The following TPCN1 variants were observed in gnomAD, a reference collection of about 807,000 sequenced individuals.
The protein encoded by TPCN1 is two pore channel protein 1.
A neutral mutation model predicts 108.8 loss-of-function variants in TPCN1; 52 were observed. That is an observed-to-expected ratio of 0.48 (90% CI 0.38 to 0.60). TPCN1 has a LOEUF of 0.60. Ranked by LOEUF, TPCN1 falls within the 20% of genes least tolerant of loss-of-function variation. The probability of loss-of-function intolerance (pLI) is 0.00; values close to 1 mark genes in which losing one functional copy is unlikely to be tolerated. For missense variants in TPCN1, 806 were observed against 1,072.8 expected, an observed-to-expected ratio of 0.75 and a Z score of 3.47; for synonymous variants, 446 against 433.7, an observed-to-expected ratio of 1.03 and a Z score of -0.35.
intron 2 of TPCN1, among the ~76,000 whole-genome samples, chr12:113,251,044 T>C (rs1237955958): frequency 6.6e-6 from 1 of 152,008 alleles, no homozygotes; most frequent in African/African-American, 2.4e-5. Context: ...GGCTCACACC[T>C]GTAATCCTAG....
intron 2 of TPCN1, among the ~76,000 whole-genome samples, chr12:113,244,008 A>G (rs1566147847): frequency 6.6e-6 from 1 of 151,840 alleles, no homozygotes; most frequent in Non-Finnish European, 1.5e-5. Flanking sequence ...CTGCCTTTCC[A>G]TGTCTTTCAC....
rs1036582072 is a variant in TPCN1 at position 113,284,368 on chromosome 12, A to G, written c.1343-213A>G. ...ACAGAGGGAGTGTTTTTAGAAATTT[A>G]TAGCTGTTTCTAGGTGAAAACACTG... On this transcript the variant is annotated intron_variant, in intron 15 of 27. Coordinates refer to ENST00000335509, the MANE Select transcript of TPCN1 (RefSeq NM_017901.6). This position sits in a 1 kb window ranked among gnomAD's most constrained non-coding sequence, Gnocchi z 4.1. 2.0e-5 allele frequency among the ~76,000 whole-genome samples: 3 copies of G among 152,240 alleles called. No individual in the cohort carries two copies. The highest frequency in any genetic ancestry group is 3.8e-4 in the East Asian group (2 of 5,208).
rs768147517 is a variant in TPCN1, at chr12:113,260,401, C to A, written c.146C>A (p.Ala49Asp). The stretch of plus-strand genomic sequence containing the variant: ...AGCTATGCCATCCACGACTCCCAGG[C>A]CCCCAGTCTCAGCTCTGGGGGTGAG... ...GGSYAIHDSQ[A>D]PSLSSGGESS... Residue 49 changes from alanine to aspartate, a missense_variant, in exon 3 of 28, where the codon GCC becomes GAC. Ala to Asp is a moderately radical substitution (Grantham distance 126). Transcript: ENST00000335509. The A allele has an allele frequency of 4.6e-6, 7 of 1,521,290 alleles. No individual in the cohort carries two copies. The highest frequency in any genetic ancestry group is 4.4e-5 in the African/African-American group (3 of 68,834). The allele number at this position is 1,521,290 out of a possible 1,614,324, so 94.2% of individuals were successfully genotyped here.
In TPCN1 at chr12:113,288,163, GTTGT is replaced by G; in HGVS notation, c.1638_1641del (p.Phe547SerfsTer2). On this transcript the variant is annotated frameshift_variant and splice_region_variant, in exon 20 of 28. Transcript: ENST00000335509. LOFTEE classifies it high-confidence loss of function. This position sits in a 1 kb window ranked among gnomAD's most constrained non-coding sequence, Gnocchi z 4.8. ...GGTGACGGGTGTCCTCCTCGCTCAG[GTTGT>G]TTAAGTTGAAGGAGCGCTACCGCAA... is the stretch of plus-strand genomic sequence containing the variant. The G allele has an allele frequency of 1.2e-5, 20 of 1,612,968 alleles. No homozygotes were observed. The highest frequency in any genetic ancestry group is 1.7e-4 in the Middle Eastern group (1 of 6,024).
At chr12:113,257,128 A>C (rs941152052) in intron 2 of TPCN1, among the ~76,000 whole-genome samples, 5 of 152,228 alleles carry the variant, frequency 3.3e-5, no homozygotes, top group African/African-American at 4.8e-5. Context: ...GTGCAACATT[A>C]TTGTTAGGAA....
intron 27 of TPCN1, among the ~76,000 whole-genome samples, chr12:113,295,255 C>G (rs377471796): frequency 6.6e-6 from 1 of 151,994 alleles, no homozygotes; most frequent in Non-Finnish European, 1.5e-5. Flanking sequence ...TAGGCCATCT[C>G]GAAGCTCTAA....
At position 113,288,969 on chromosome 12, in the gene TPCN1, C is replaced by G; in HGVS notation, c.1796+122C>G. 2.1e-6 allele frequency: 2 copies of G among 956,580 alleles called. No homozygotes were observed. Among genetic ancestry groups the G allele is most frequent in the Non-Finnish European group, 1.6e-6 (1 of 611,886 alleles). 59.3% of individuals were successfully genotyped at this position (956,580 alleles called of 1,614,324 possible). ...GGGATGTTCCTGTCTAAGCAACCACCTTGCTTTGCTTTCAGGGCTTAGTTG... is the reference window on the plus strand; with the variant it reads ...GGGATGTTCCTGTCTAAGCAACCACGTTGCTTTGCTTTCAGGGCTTAGTTG... On this transcript the variant is annotated intron_variant, in intron 21 of 27. Coordinates refer to ENST00000335509, the MANE Select transcript of TPCN1 (RefSeq NM_017901.6). The surrounding 1 kb of genome is among the most constrained non-coding windows in gnomAD (Gnocchi z 4.8).
At chr12:113,251,068 C>T (rs1033569752) in intron 2 of TPCN1, among the ~76,000 whole-genome samples, 1 of 151,814 alleles carries the variant, frequency 6.6e-6, no homozygotes, top group Non-Finnish European at 1.5e-5. Flanking sequence ...TCTGGGAGGG[C>T]GAGGCAGGTG....
At chr12:113,275,778 T>G (rs61943618) in intron 10 of TPCN1, among the ~76,000 whole-genome samples, 16,544 of 150,774 alleles carry the variant, frequency 0.11, 1,058 homozygotes, top group East Asian at 0.21. Flanking sequence ...GTTTCGCGCT[T>G]TGTTAGCCAG....
At chr12:113,292,216 G>A in intron 25 of TPCN1, 1 of 465,570 alleles carries the variant, frequency 2.1e-6, no homozygotes, top group South Asian at 2.6e-5. Context: ...GTAGAGAAAG[G>A]CTTATGTGGC....
chr12:113,276,858 T>C (rs1024310219), intron 10 of TPCN1, 61 bp from the exon 11 acceptor site: 12 of 1,152,586 alleles, frequency 1.0e-5, no homozygotes, highest in Middle Eastern at 4.3e-4. Context: ...CATACCCCCC[T>C]GCACTCCCTG....
At chr12:113,292,131 A>G in intron 25 of TPCN1, 173 bp downstream of exon 25, 1 of 613,784 alleles carries the variant, frequency 1.6e-6, no homozygotes, top group Non-Finnish European at 2.9e-6. Flanking sequence ...TTGATTTTCA[A>G]ATATTTAATG....
chr12:113,275,978 G>A (rs1161629491), intron 10 of TPCN1, among the ~76,000 whole-genome samples: 1 of 152,106 alleles, frequency 6.6e-6, no homozygotes, highest in Non-Finnish European at 1.5e-5. Flanking sequence ...GAAAATTTAG[G>A]GCAGCAGTCA....
intron 1 of TPCN1, among the ~76,000 whole-genome samples, chr12:113,224,181 C>T (rs1953380885): frequency 6.6e-6 from 1 of 152,116 alleles, no homozygotes; most frequent in African/African-American, 2.4e-5. Context: ...TGGAGTCACA[C>T]CGTAGAGCTG....
intron 1 of TPCN1, chr12:113,225,305 C>T (rs1325162648): frequency 2.0e-5 from 9 of 448,554 alleles, no homozygotes; most frequent in Non-Finnish European, 4.0e-5. Context: ...GCAGTTCTCC[C>T]ACCTTGACCT....
Position 113,278,196 on chromosome 12 carries a change from G to A in TPCN1, c.1192G>A (p.Asp398Asn), listed in dbSNP as rs1240615679. 2 of 1,613,626 alleles carry A rather than the reference G, an allele frequency of 1.2e-6. No homozygotes were observed. Among genetic ancestry groups the A allele is most frequent in the Non-Finnish European group, 1.7e-6 (2 of 1,179,796 alleles). Residue 398 changes from aspartate (D) to asparagine (N), a missense_variant, in exon 13 of 28, where the codon GAC (aspartate) becomes AAC (asparagine). Physicochemically the swap from Asp to Asn is conservative, Grantham distance 23 (BLOSUM62 1). Coordinates refer to ENST00000335509, the MANE Select transcript of TPCN1 (RefSeq NM_017901.6). ...TTATTTTGCTTTTGGTAGCCTAAAGGACTTTTACGATATCTACGAAGTTGC... is the reference window on the plus strand; with the variant it reads ...TTATTTTGCTTTTGGTAGCCTAAAGAACTTTTACGATATCTACGAAGTTGC... ...QNNTPLLSLKDFYDIYEVAAL... is the reference protein window; with the variant it reads ...QNNTPLLSLKNFYDIYEVAAL...
Position 113,284,653 on chromosome 12 carries a change from G to T in TPCN1, c.1399+16G>T, listed in dbSNP as rs759360100. 1 of 1,614,106 alleles carries T rather than the reference G, an allele frequency of 6.2e-7. No individual in the cohort carries two copies. Among genetic ancestry groups the T allele is most frequent in the African/African-American group, 1.3e-5 (1 of 74,932 alleles). ...ATGCTGAAAGGTGAGCCCCGCTCAGGGACTGGCCGTGTCCTGGCCGGCACA... is the reference window on the plus strand; with the variant it reads ...ATGCTGAAAGGTGAGCCCCGCTCAGTGACTGGCCGTGTCCTGGCCGGCACA... On this transcript the variant is annotated intron_variant, in intron 16 of 27. Transcript: ENST00000335509. This position sits in a 1 kb window ranked among gnomAD's most constrained non-coding sequence, Gnocchi z 4.1.
intron 2 of TPCN1, among the ~76,000 whole-genome samples, chr12:113,229,931 T>C (rs1265860507): frequency 6.6e-6 from 1 of 152,214 alleles, no homozygotes; most frequent in Non-Finnish European, 1.5e-5. Flanking sequence ...TTCTAGTGCC[T>C]TCTTGCTTGA....
chr12:113,275,434 G>A (rs1955639358), intron 10 of TPCN1, among the ~76,000 whole-genome samples: 1 of 151,938 alleles, frequency 6.6e-6, no homozygotes, highest in African/African-American at 2.4e-5. Flanking sequence ...GGTAGAGACA[G>A]GGTTTTGCCA....
Sources: gnomAD v4.1 joint callset for allele counts (sites outside exome capture counted in the v4.1 genomes callset) on GRCh38, gnomAD v4.1.1 for gene constraint, Gnocchi (gnomAD v3.1) non-coding constraint, MANE v1.5 for transcripts, NCBI Gene and HGNC (gene_info 2026-07-23, HGNC 2026-07-21) for gene names.